Variants in FRMD4A observed in about 807,000 individuals in gnomAD.
FRMD4A encodes the protein FERM domain containing 4A.
FRMD4A carries 29 observed loss-of-function variants against 129.1 expected under a neutral mutation model. That is an observed-to-expected ratio of 0.22 (90% CI 0.17 to 0.31). The LOEUF (loss-of-function observed/expected upper bound fraction) is 0.31, where lower values mean the gene tolerates loss of function less well. Among genes scored for constraint, FRMD4A ranks in the 10% least tolerant of loss-of-function variants. The pLI, the probability that FRMD4A is intolerant of heterozygous loss-of-function variation, is 1.00. For synonymous variants in FRMD4A, 634 were observed against 571.6 expected, an observed-to-expected ratio of 1.11 and a Z score of -1.56; for missense variants, 1,272 against 1,375.8, an observed-to-expected ratio of 0.92 and a Z score of 1.19.
chr10:14,035,480 T>C (rs1038268935), intron 2 of FRMD4A, among the ~76,000 whole-genome samples: 1 of 150,406 alleles, frequency 6.6e-6, no homozygotes, highest in Admixed American at 6.6e-5. Context: ...TAATCTGCTG[T>C]CTCCATGATT....
intron 2 of FRMD4A, among the ~76,000 whole-genome samples, chr10:14,247,708 G>A (rs1844293753): frequency 6.6e-6 from 1 of 152,196 alleles, no homozygotes; most frequent in East Asian, 1.9e-4. Context: ...GTGAAGAAGA[G>A]GGAAGAGAGG....
chr10:13,929,567 A>T (rs2095171045), intron 2 of FRMD4A, among the ~76,000 whole-genome samples: 1 of 152,218 alleles, frequency 6.6e-6, no homozygotes, highest in Non-Finnish European at 1.5e-5. Context: ...CAACTGGTTT[A>T]AAACCTGGAA....
chr10:13,679,792 A>G lies in FRMD4A; in HGVS notation c.1118-4748T>C, dbSNP rs545393277. Among the ~76,000 whole-genome samples, 164 of 152,150 alleles carry G rather than the reference A, an allele frequency of 1.1e-3. 6 individuals carry two copies. In the South Asian group the frequency reaches 0.033, roughly 30 times the overall value. ...GCTGCTCTACCTCAGGGCTTGTCTGATCTGAGCCTGCGGGCTGCTACCTGC... is the reference window on the plus strand; with the variant it reads ...GCTGCTCTACCTCAGGGCTTGTCTGGTCTGAGCCTGCGGGCTGCTACCTGC... On this transcript the variant is annotated intron_variant, in intron 15 of 24. Transcript: ENST00000357447.
chr10:13,820,715 C>G (rs2093617317), intron 3 of FRMD4A, among the ~76,000 whole-genome samples: 1 of 152,212 alleles, frequency 6.6e-6, no homozygotes, highest in African/African-American at 2.4e-5. Flanking sequence ...CCAGTGACTG[C>G]TAAGCTGCCA....
intron 3 of FRMD4A, among the ~76,000 whole-genome samples, chr10:13,850,964 C>T (rs2094132571): frequency 6.6e-6 from 1 of 152,244 alleles, no homozygotes. Context: ...CCTGTAATCC[C>T]AGCACTTTGG....
intron 2 of FRMD4A, among the ~76,000 whole-genome samples, chr10:13,958,606 T>TC (rs959829874): frequency 7.5e-6 from 1 of 133,862 alleles, no homozygotes; most frequent in African/African-American, 2.8e-5. Flanking sequence ...CTTTCTTTTT[T>TC]TTTTTCCCCG....
At chr10:14,136,257 T>A (rs997212640) in intron 2 of FRMD4A, among the ~76,000 whole-genome samples, 1 of 152,124 alleles carries the variant, frequency 6.6e-6, no homozygotes, top group Non-Finnish European at 1.5e-5. Context: ...CAAACCTGCC[T>A]CCCAGTTTAC....
chr10:14,162,827 C>T (rs1270496552), intron 2 of FRMD4A, among the ~76,000 whole-genome samples: 1 of 152,022 alleles, frequency 6.6e-6, no homozygotes, highest in African/African-American at 2.4e-5. Flanking sequence ...CCCAGGATGA[C>T]GTGCCCAAGA....
At chr10:13,911,958 C>G (rs1432254116) in intron 2 of FRMD4A, among the ~76,000 whole-genome samples, 1 of 152,160 alleles carries the variant, frequency 6.6e-6, no homozygotes, top group South Asian at 2.1e-4. Context: ...TCTAGGTCCT[C>G]AAAATACTGA....
intron 3 of FRMD4A, among the ~76,000 whole-genome samples, chr10:13,858,071 C>T (rs7096973): frequency 0.48 from 73,631 of 151,982 alleles, 17,799 homozygotes; most frequent in East Asian, 0.63. Context: ...AGAAGGGGGT[C>T]GCTTAGCACT....
intron 2 of FRMD4A, among the ~76,000 whole-genome samples, chr10:13,979,291 A>G (rs1040757641): frequency 1.4e-4 from 22 of 152,282 alleles, no homozygotes; most frequent in African/African-American, 4.1e-4. Flanking sequence ...TGCTCATAAG[A>G]AAAGGAGGTC....
At chr10:13,797,351 C>T (rs189478917) in intron 4 of FRMD4A, among the ~76,000 whole-genome samples, 2 of 152,280 alleles carry the variant, frequency 1.3e-5, no homozygotes, top group East Asian at 1.9e-4. Flanking sequence ...TTAAACTTAC[C>T]GCCAGGGGCA....
chr10:13,944,382 C>T (rs1320886857), intron 2 of FRMD4A, among the ~76,000 whole-genome samples: 2 of 152,096 alleles, frequency 1.3e-5, no homozygotes, highest in East Asian at 1.9e-4. Context: ...TCTCCCATCA[C>T]CCTCAGGTGG....
rs2095340750 is a variant in FRMD4A at position 13,947,532 on chromosome 10, G to T, written c.46-88620C>A. ...CTGTGGTCATACGGGATGCCTAGGG[G>T]AGTCTGTCAAAACTGGATTTAGTTA... is the stretch of plus-strand genomic sequence containing the variant. On this transcript the variant is annotated intron_variant, in intron 2 of 24. Transcript: ENST00000357447. 2.0e-5 allele frequency among the ~76,000 whole-genome samples: 3 copies of T among 152,082 alleles called. No individual in the cohort carries two copies. In the South Asian group the frequency reaches 6.3e-4, roughly 32 times the overall value.
At chr10:13,713,411 A>C (rs530170799) in intron 12 of FRMD4A, among the ~76,000 whole-genome samples, 1 of 152,328 alleles carries the variant, frequency 6.6e-6, no homozygotes, top group African/African-American at 2.4e-5. Context: ...TCTCTATATA[A>C]GAAGAATTAG....
chr10:14,178,371 C>T (rs553557840), intron 2 of FRMD4A, among the ~76,000 whole-genome samples: 1 of 152,344 alleles, frequency 6.6e-6, no homozygotes, highest in South Asian at 2.1e-4. Flanking sequence ...TGAACATCCA[C>T]TTCAAGCCAG....
chr10:13,827,920 T>C lies in FRMD4A; in HGVS notation c.112-17012A>G, dbSNP rs1420414199. Among the ~76,000 whole-genome samples, 5 of 152,296 alleles carry C rather than the reference T, an allele frequency of 3.3e-5. No individual in the cohort carries two copies. The South Asian group carries it at 6.2e-4, about 19-fold the overall frequency. ...TGCTGTCTGGCTGCTCCGAGCCCCT[T>C]GGGCTCGAAGCCCCTCCCCTGTCTC... is the stretch of plus-strand genomic sequence containing the variant. On this transcript the variant is annotated intron_variant, in intron 3 of 24. Coordinates refer to ENST00000357447, the MANE Select transcript of FRMD4A (RefSeq NM_018027.5).
At chr10:13,959,114 C>G (rs930359048) in intron 2 of FRMD4A, among the ~76,000 whole-genome samples, 11 of 151,962 alleles carry the variant, frequency 7.2e-5, no homozygotes, top group African/African-American at 2.7e-4. Flanking sequence ...TATGAGAATC[C>G]CTTCTCAGTA....
intron 15 of FRMD4A, 55 bp from the exon 16 acceptor site, chr10:13,675,099 C>G: frequency 6.6e-7 from 1 of 1,525,912 alleles, no homozygotes; most frequent in Non-Finnish European, 9.0e-7. Flanking sequence ...CACATCTGGA[C>G]CACTAATGAA....
Sources: allele counts gnomAD v4.1 joint callset (sites outside exome capture counted in the v4.1 genomes callset), GRCh38; gene constraint gnomAD v4.1.1; transcripts MANE v1.5; gene names NCBI Gene and HGNC (gene_info 2026-07-23, HGNC 2026-07-21).